The following ACER2 variants were observed in gnomAD, a reference collection of about 807,000 sequenced individuals.
The protein encoded by ACER2 is alkaline ceramidase 2.
ACER2 carries 26 observed loss-of-function variants against 34.7 expected under a neutral mutation model. The observed-to-expected ratio is 0.75, with a 90% CI of 0.55 to 1.04. The LOEUF (loss-of-function observed/expected upper bound fraction) is 1.04, where lower values mean the gene tolerates loss of function less well. Among genes scored for constraint, ACER2 ranks in the 50% least tolerant of loss-of-function variants. ACER2 has a pLI of 0.00. For synonymous variants in ACER2, 138 were observed against 132.1 expected, an observed-to-expected ratio of 1.04 and a Z score of -0.31; for missense variants, 352 against 340.8, an observed-to-expected ratio of 1.03 and a Z score of -0.26.
intron 3 of ACER2, among the ~76,000 whole-genome samples, chr9:19,432,956 TAC>T (rs1275527140): frequency 6.6e-6 from 1 of 151,164 alleles, no homozygotes; most frequent in Non-Finnish European, 1.5e-5. Flanking sequence ...TCTGAAAAAA[TAC>T]AGAGAAATCG....
Position 19,417,157 on chromosome 9 carries a change from AAC to A in ACER2, c.109-6704_109-6703del, listed in dbSNP as rs546012573. Among the ~76,000 whole-genome samples, 370 of 152,356 alleles carry A rather than the reference AAC, an allele frequency of 2.4e-3. 1 individual carries two copies. The highest frequency in any genetic ancestry group is 8.2e-3 in the African/African-American group (339 of 41,584). On this transcript the variant is annotated intron_variant, in intron 1 of 5. Transcript: ENST00000340967. ...AAGAGAATAAAATACCTAGGAATACAACTTACAAAGGATATGAAGGACCTCTT... is the reference window on the plus strand; with the variant it reads ...AAGAGAATAAAATACCTAGGAATACATTACAAAGGATATGAAGGACCTCTT...
At chr9:19,414,349 T>C (rs955781182) in intron 1 of ACER2, among the ~76,000 whole-genome samples, 2 of 152,252 alleles carry the variant, frequency 1.3e-5, no homozygotes, top group African/African-American at 4.8e-5. Flanking sequence ...CCTGTTGTTT[T>C]GTCTTTATTT....
chr9:19,424,926 G>C, intron 3 of ACER2, 85 bp downstream of exon 3: 5 of 1,530,148 alleles, frequency 3.3e-6, no homozygotes, highest in Non-Finnish European at 4.4e-6. Flanking sequence ...AATAGCACAT[G>C]ATTGAACTCA....
Position 19,450,600 on chromosome 9 carries a change from G to C in ACER2, c.792G>C (p.Leu264=), listed in dbSNP as rs7855739. The stretch of plus-strand genomic sequence containing the variant: ...TTGGTGTCCCCTATGTGTCCCTCCT[G>C]TGTGCCAACAAGAAATCATCAGTCA... The part of the protein sequence containing the change: ...AFIGVPYVSL[L]CANKKSSVKI... Residue 264 remains leucine, a synonymous_variant, in exon 6 of 6, where the codon CTG becomes CTC. Coordinates refer to ENST00000340967, the MANE Select transcript of ACER2 (RefSeq NM_001010887.3). The C allele has an allele frequency of 0.013, 21,368 of 1,585,840 alleles. 2,190 individuals carry two copies. The African/African-American group carries it at 0.23, about 17-fold the overall frequency.
chr9:19,438,409 C>T (rs1831040263), intron 4 of ACER2, among the ~76,000 whole-genome samples: 1 of 152,176 alleles, frequency 6.6e-6, no homozygotes, highest in African/African-American at 2.4e-5. Context: ...GGAACTCTCC[C>T]TAATGTGCCT....
chr9:19,433,977 G>T (rs1269257058), intron 3 of ACER2, among the ~76,000 whole-genome samples: 1 of 151,436 alleles, frequency 6.6e-6, no homozygotes, highest in Non-Finnish European at 1.5e-5. Flanking sequence ...CCTCCCGGAC[G>T]GGGTGGCTGC....
chr9:19,424,848 T>C lies in ACER2; in HGVS notation c.365+7T>C, dbSNP rs746896887. ...AGATCTTTCGGAATGACCGGTAAGC[T>C]TGCACTAAACATTATTGCATTTACC... On this transcript the variant is annotated splice_region_variant and intron_variant, in intron 3 of 5. Transcript: ENST00000340967. 3.7e-6 allele frequency: 6 copies of C among 1,614,026 alleles called. No individual in the cohort carries two copies. Among genetic ancestry groups the C allele is most frequent in the Non-Finnish European group, 1.7e-6 (2 of 1,180,010 alleles).
chr9:19,424,366 C>T, intron 2 of ACER2: 2 of 985,192 alleles, frequency 2.0e-6, no homozygotes, highest in South Asian at 4.7e-5. Context: ...TTTCCTCCCA[C>T]AGGCAGCCTG....
intron 3 of ACER2, among the ~76,000 whole-genome samples, chr9:19,434,075 C>T (rs1286408877): frequency 6.1e-5 from 9 of 148,068 alleles, no homozygotes; most frequent in Admixed American, 1.3e-4. Context: ...CGGGCAGAGA[C>T]GCTCCTCACC....
intron 3 of ACER2, 57 bp from the exon 4 acceptor site, chr9:19,434,890 A>G: frequency 6.2e-7 from 1 of 1,603,502 alleles, no homozygotes; most frequent in Middle Eastern, 2.3e-4. Flanking sequence ...ACATTAAACA[A>G]ACAAACAAAC....
At chr9:19,410,018 C>A in intron 1 of ACER2, 1 of 829,064 alleles carries the variant, frequency 1.2e-6, no homozygotes, top group South Asian at 5.5e-5. Context: ...ATGTCCATGG[C>A]TCAGAATCCT....
chr9:19,431,645 G>C (rs1372870749), intron 3 of ACER2, among the ~76,000 whole-genome samples: 1 of 152,190 alleles, frequency 6.6e-6, no homozygotes, highest in South Asian at 2.1e-4. Flanking sequence ...ACGAAGAACA[G>C]CAGCCGAGGC....
chr9:19,435,861 A>T (rs1830947360), intron 4 of ACER2, among the ~76,000 whole-genome samples: 1 of 151,512 alleles, frequency 6.6e-6, no homozygotes, highest in Non-Finnish European at 1.5e-5. Context: ...CATCCTGGCT[A>T]ACACAGTGAA....
At chr9:19,437,430 G>A (rs984071893) in intron 4 of ACER2, among the ~76,000 whole-genome samples, 3 of 152,124 alleles carry the variant, frequency 2.0e-5, no homozygotes, top group Admixed American at 2.0e-4. Context: ...CCTCTGCAAT[G>A]TTTCATCTGT....
intron 3 of ACER2, among the ~76,000 whole-genome samples, chr9:19,432,458 T>C (rs1449360885): frequency 1.3e-5 from 2 of 152,018 alleles, no homozygotes; most frequent in Non-Finnish European, 2.9e-5. Context: ...TCAGGTTTTA[T>C]TGGCACCCAG....
intron 1 of ACER2, among the ~76,000 whole-genome samples, chr9:19,410,405 G>A (rs1190211914): frequency 6.6e-6 from 1 of 152,056 alleles, no homozygotes. Context: ...TTATGATTAG[G>A]TTGGTTCCTT....
At chr9:19,416,492 G>A (rs1047627844) in intron 1 of ACER2, among the ~76,000 whole-genome samples, 2 of 152,082 alleles carry the variant, frequency 1.3e-5, no homozygotes, top group South Asian at 4.2e-4. Flanking sequence ...ATATCCCTTT[G>A]TAAAACAAGG....
chr9:19,443,444 G>A lies in ACER2; in HGVS notation c.504-2837G>A, dbSNP rs528103680. Among the ~76,000 whole-genome samples the A allele has an allele frequency of 5.9e-5, 9 of 152,336 alleles. No homozygotes were observed. In the South Asian group the frequency reaches 1.0e-3, roughly 18 times the overall value. ...GCCTCCAAGAGTGTTGGGATTACAG[G>A]CATGAGCCACCGTGCCTGGCCAATA... On this transcript the variant is annotated intron_variant, in intron 4 of 5. Coordinates refer to ENST00000340967, the MANE Select transcript of ACER2 (RefSeq NM_001010887.3).
At chr9:19,429,256 A>T (rs577897032) in intron 3 of ACER2, among the ~76,000 whole-genome samples, 14 of 152,210 alleles carry the variant, frequency 9.2e-5, no homozygotes, top group Non-Finnish European at 1.9e-4. Context: ...GCTGATGGTT[A>T]TTAATAATTT....
Sources: allele counts gnomAD v4.1 joint callset (sites outside exome capture counted in the v4.1 genomes callset), GRCh38; gene constraint gnomAD v4.1.1; transcripts MANE v1.5; gene names NCBI Gene and HGNC (gene_info 2026-07-23, HGNC 2026-07-21).